Variants in USP26 observed in about 807,000 individuals in gnomAD.
The protein encoded by USP26 is ubiquitin specific peptidase 26.
For synonymous variants in USP26, 236 were observed against 240.6 expected (o/e 0.98, Z 0.18); for missense variants, 649 against 642.3 (o/e 1.01, Z -0.11).
intron 5 of USP26, among the ~76,000 whole-genome samples, chrX:133,082,319 G>A (rs947886334): frequency 7.2e-5 from 8 of 111,650 alleles, no homozygotes; most frequent in African/African-American, 9.8e-5. Flanking sequence ...CCTGATCCCC[G>A]TTTTCTGGGG....
Position 133,040,710 on chromosome X carries a change from T to C in USP26, c.-76-12414A>G, listed in dbSNP as rs994229047. ...TGAGGAGTATCTTAGTGGTATTCTC[T>C]GTATTTCCTGAATTTGAATGTTGGC... On this transcript the variant is annotated intron_variant, in intron 5 of 5. Coordinates refer to ENST00000511190, the MANE Select transcript of USP26 (RefSeq NM_031907.3). Among the ~76,000 whole-genome samples, 10 of 111,525 alleles carry C rather than the reference T, an allele frequency of 9.0e-5. No homozygotes were observed. The Admixed American group carries it at 9.6e-4, about 11-fold the overall frequency.
intron 4 of USP26, among the ~76,000 whole-genome samples, chrX:133,085,582 A>T (rs1366319252): frequency 2.7e-5 from 3 of 112,324 alleles, no homozygotes; most frequent in Non-Finnish European, 5.6e-5. Context: ...AGTCATACAG[A>T]TGATACATCT....
chrX:133,055,503 T>C (rs957994641), intron 5 of USP26, among the ~76,000 whole-genome samples: 2 of 111,644 alleles, frequency 1.8e-5, no homozygotes, highest in African/African-American at 6.5e-5. Context: ...CCTTTAAACA[T>C]GTAAACACCA....
intron 5 of USP26, among the ~76,000 whole-genome samples, chrX:133,051,621 G>A (rs1353115306): frequency 1.8e-5 from 2 of 111,975 alleles, no homozygotes; most frequent in South Asian, 3.8e-4. Flanking sequence ...GGATGGCAAG[G>A]TAAAATGAAA....
intron 5 of USP26, among the ~76,000 whole-genome samples, chrX:133,066,511 G>A (rs1182038806): frequency 9.0e-6 from 1 of 111,372 alleles, no homozygotes; most frequent in Non-Finnish European, 1.9e-5. Context: ...GCATGGTACT[G>A]GTACCAAAAC....
intron 5 of USP26, among the ~76,000 whole-genome samples, chrX:133,070,570 C>G (rs1602985145): frequency 2.7e-5 from 3 of 111,948 alleles, no homozygotes; most frequent in Non-Finnish European, 5.6e-5. Flanking sequence ...TCCCCTCTAA[C>G]ATTTAATTAC....
intron 5 of USP26, among the ~76,000 whole-genome samples, chrX:133,033,119 C>T (rs193026951): frequency 3.7e-3 from 414 of 111,309 alleles, no homozygotes; most frequent in African/African-American, 0.013. Context: ...TCCTCCCCTC[C>T]CTTTTTTTTA....
intron 5 of USP26, among the ~76,000 whole-genome samples, chrX:133,071,882 G>A (rs1241255701): frequency 9.0e-6 from 1 of 111,317 alleles, no homozygotes; most frequent in East Asian, 2.8e-4. Flanking sequence ...CCATTGGAAC[G>A]CTCTAATTTT....
intron 5 of USP26, among the ~76,000 whole-genome samples, chrX:133,083,494 T>C (rs1412967423): frequency 1.8e-5 from 2 of 111,312 alleles, no homozygotes; most frequent in African/African-American, 6.5e-5. Flanking sequence ...CCTGATGGCT[T>C]GGTGCCAGCT....
intron 5 of USP26, among the ~76,000 whole-genome samples, chrX:133,034,707 G>T (rs1447956544): frequency 9.0e-6 from 1 of 111,263 alleles, no homozygotes; most frequent in African/African-American, 3.3e-5. Flanking sequence ...AGTTATCAAA[G>T]ATTATTTAAA....
At chrX:133,056,398 C>G (rs1353440044) in intron 5 of USP26, among the ~76,000 whole-genome samples, 1 of 110,969 alleles carries the variant, frequency 9.0e-6, no homozygotes, top group Non-Finnish European at 1.9e-5. Flanking sequence ...CACCGTCAGT[C>G]CTTTGTGACC....
chrX:133,043,658 C>G (rs2067427047), intron 5 of USP26, among the ~76,000 whole-genome samples: 1 of 112,272 alleles, frequency 8.9e-6, no homozygotes, highest in African/African-American at 3.2e-5. Flanking sequence ...GTAATCTCAA[C>G]ACTTTGGGAG....
chrX:133,057,473 T>C (rs750276960), intron 5 of USP26, among the ~76,000 whole-genome samples: 14 of 111,509 alleles, frequency 1.3e-4, no homozygotes, highest in Non-Finnish European at 2.3e-4. Context: ...TTAATTTCAG[T>C]GATTTCCCCT....
Position 133,025,624 on chromosome X carries a change from T to A in USP26, c.2597A>T (p.Gln866Leu), listed in dbSNP as rs1408407305. The A allele has an allele frequency of 8.3e-7, 1 of 1,211,535 alleles. No individual in the cohort carries two copies. Among genetic ancestry groups the A allele is most frequent in the Non-Finnish European group, 1.1e-6 (1 of 895,423 alleles). ...TYDDMRVLGI[Q>L]EAQMQEDRRC... ...CCTATCCTCCTGCATCTGGGCCTCC[T>A]GGATACCTAACACCCGCATATCATC... Residue 866 changes from glutamine to leucine, a missense_variant, in exon 6 of 6, where the codon CAG becomes CTG. Transcript: ENST00000511190.
At chrX:133,028,916 T>C (rs1374021589) in intron 5 of USP26, among the ~76,000 whole-genome samples, 2 of 112,050 alleles carry the variant, frequency 1.8e-5, no homozygotes, top group Non-Finnish European at 3.8e-5. Flanking sequence ...CTGGGGAACA[T>C]CATTACATTG....
rs1325228358 is a variant in USP26, at chrX:133,025,757, G to C, written c.2464C>G (p.His822Asp). The C allele has an allele frequency of 8.3e-7, 1 of 1,209,571 alleles. No individual in the cohort carries two copies. Among genetic ancestry groups the C allele is most frequent in the Admixed American group, 2.2e-5 (1 of 45,991 alleles). ...ACAACACTAATGAGCCGGTAGGTAT[G>C]ATCTCCCTTATCATCATTTCTTTTT... ...ETKRNDDKGD[H>D]TYRLISVVSH... The change falls in exon 6 of 6, where the codon CAT becomes GAT. Residue 822 changes from histidine (H) to aspartate (D), a missense_variant. Coordinates refer to ENST00000511190, the MANE Select transcript of USP26 (RefSeq NM_031907.3).
intron 5 of USP26, 37 bp from the exon 6 acceptor site, chrX:133,028,333 C>A: frequency 2.3e-6 from 2 of 859,819 alleles, no homozygotes; most frequent in Non-Finnish European, 3.4e-6. Flanking sequence ...TTCATTAGTT[C>A]TCTACACAGA....
rs777201804 is a variant in USP26 at position 133,028,193 on chromosome X, C to A, written c.28G>T (p.Val10Phe). ...CCAGTCTTGCAGTTCCCTATTTGGA[C>A]AAAACCACGTAGGAATAGGGCAGCC... MAALFLRGFVQIGNCKTGIS... is the reference protein window; with the variant it reads MAALFLRGFFQIGNCKTGIS... The change falls in exon 6 of 6, where the codon GTC (valine) becomes TTC (phenylalanine). Residue 10 changes from valine (V) to phenylalanine (F), a missense_variant. Transcript: ENST00000511190. 4.1e-6 allele frequency: 5 copies of A among 1,209,198 alleles called. No individual in the cohort carries two copies. The South Asian group carries it at 7.0e-5, about 17-fold the overall frequency.
At chrX:133,030,575 G>A (rs959353735) in intron 5 of USP26, among the ~76,000 whole-genome samples, 1 of 111,733 alleles carries the variant, frequency 8.9e-6, no homozygotes, top group Non-Finnish European at 1.9e-5. Context: ...CTGTGTAATC[G>A]TCACAATAAA....
Sources: gnomAD v4.1 joint callset for allele counts (sites outside exome capture counted in the v4.1 genomes callset) on GRCh38, gnomAD v4.1.1 for gene constraint, MANE v1.5 for transcripts, NCBI Gene and HGNC (gene_info 2026-07-23, HGNC 2026-07-21) for gene names.